Variants in OTUD7B observed in about 807,000 individuals in gnomAD.
The protein encoded by OTUD7B is OTU deubiquitinase 7B.
A neutral mutation model predicts 82.2 loss-of-function variants in OTUD7B; 34 were observed. The observed-to-expected ratio is 0.41, with a 90% CI of 0.31 to 0.55. The LOEUF (loss-of-function observed/expected upper bound fraction) is 0.55, where lower values mean the gene tolerates loss of function less well. OTUD7B is among the 20% of genes least tolerant of loss of function. The probability of loss-of-function intolerance (pLI) is 0.20; values close to 1 mark genes in which losing one functional copy is unlikely to be tolerated. For missense variants in OTUD7B, 944 were observed against 1,062.1 expected, an observed-to-expected ratio of 0.89 and a Z score of 1.55; for synonymous variants, 398 against 402.7, an observed-to-expected ratio of 0.99 and a Z score of 0.14.
chr1:150,025,213 C>T, the OTUD7B span, among the ~76,000 whole-genome samples: 1 of 151,918 alleles, frequency 6.6e-6, no homozygotes, highest in South Asian at 2.1e-4. Flanking sequence ...CCTGAGGTCA[C>T]GCGTTCGAGA....
At chr1:149,949,533 G>T in intron 9 of OTUD7B, 96 bp downstream of exon 9, 1 of 1,271,246 alleles carries the variant, frequency 7.9e-7, no homozygotes, top group Non-Finnish European at 1.1e-6. Flanking sequence ...GTGCTGTCTG[G>T]GCTTGCATGT....
intron 8 of OTUD7B, 46 bp from the exon 9 acceptor site, chr1:149,949,824 A>G (rs587654987): frequency 6.3e-7 from 1 of 1,580,306 alleles, no homozygotes; most frequent in South Asian, 1.1e-5. Context: ...GTTTCTGCCT[A>G]GTGGACAATC....
chr1:150,031,207 G>A, the OTUD7B span, among the ~76,000 whole-genome samples: 3 of 152,148 alleles, frequency 2.0e-5, no homozygotes, highest in Non-Finnish European at 4.4e-5. Flanking sequence ...GAAAGAGCAC[G>A]ATGCCACCAT....
chr1:150,043,804 A>G, the OTUD7B span, among the ~76,000 whole-genome samples: 3 of 152,304 alleles, frequency 2.0e-5, no homozygotes, highest in East Asian at 5.8e-4. Context: ...GTGATTTCAC[A>G]CAATGTATAT....
At chr1:149,963,339 G>A (rs926856875) in intron 6 of OTUD7B, 1 of 152,092 alleles carries the variant, frequency 6.6e-6, no homozygotes, top group African/African-American at 2.4e-5. Context: ...AAGGAAATAG[G>A]GAGCCTCATT....
intron 1 of OTUD7B, among the ~76,000 whole-genome samples, chr1:150,003,291 G>A (rs986885088): frequency 6.0e-5 from 9 of 150,808 alleles, no homozygotes; most frequent in Non-Finnish European, 1.0e-4. Context: ...ATGATCCAGC[G>A]TTGCCTACCT....
At chr1:150,015,308 T>TTTTTTTTTA (rs1559875641), upstream of OTUD7B, among the ~76,000 whole-genome samples, 1 of 142,542 alleles carries the variant, frequency 7.0e-6, no homozygotes, top group African/African-American at 2.6e-5. Context: ...TTTTGTTTTT[T>TTTTTTTTTA]TTTGAGATGG....
chr1:150,033,332 T>C, the OTUD7B span, among the ~76,000 whole-genome samples: 1 of 152,176 alleles, frequency 6.6e-6, no homozygotes, highest in East Asian at 1.9e-4. Flanking sequence ...ATATACATCT[T>C]TTAAATATGG....
rs1553772242 is a variant in OTUD7B at position 149,946,741 on chromosome 1, G to GGA, written c.1323+509_1323+510insTC. ...TGGCTGACAGAGCAAGACTTCCTCT[G>GGA]AAAAAAAAAAAAAAAAAAAGGACAG... On this transcript the variant is annotated intron_variant, in intron 11 of 11. Transcript: ENST00000581312. Among the ~76,000 whole-genome samples, 12 of 79,540 alleles carry GGA rather than the reference G, an allele frequency of 1.5e-4. No homozygotes were observed. In the South Asian group the frequency reaches 2.0e-3, roughly 13 times the overall value. The allele number at this position is 79,540 out of a possible 152,430, so 52.2% of individuals were successfully genotyped here.
In OTUD7B at chr1:149,938,021, G is replaced by A. The variant is rs2092737167; in HGVS notation, c.*5836C>T. 6.6e-6 allele frequency: 1 copy of A among 152,128 alleles called. No individual in the cohort carries two copies. The highest frequency in any genetic ancestry group is 2.4e-5 in the African/African-American group (1 of 41,360). 9.4% of individuals were successfully genotyped at this position (152,128 alleles called of 1,614,324 possible). A position where few individuals can be genotyped will look rare whatever the true frequency, so the allele number is the denominator to read the frequency against. On this transcript the variant is annotated 3_prime_UTR_variant, in exon 12 of 12. Transcript: ENST00000581312. ...ACAGAAAGTCAGTCTGGAACAAAGA[G>A]GTATACACCTGCTAAGAAGGTGGCC...
At chr1:150,018,786 C>T in the OTUD7B span, among the ~76,000 whole-genome samples, 1 of 152,182 alleles carries the variant, frequency 6.6e-6, no homozygotes, top group Non-Finnish European at 1.5e-5. Context: ...CTGAAAGGAG[C>T]TGAAAGGGCT....
At chr1:149,951,792 A>G (rs1228253189) in intron 7 of OTUD7B, among the ~76,000 whole-genome samples, 1 of 152,200 alleles carries the variant, frequency 6.6e-6, no homozygotes, top group Non-Finnish European at 1.5e-5. Context: ...CCATTATGGA[A>G]AATTTCAAAA....
chr1:149,999,000 T>C (rs1333180169), intron 1 of OTUD7B, among the ~76,000 whole-genome samples: 9 of 152,222 alleles, frequency 5.9e-5, no homozygotes, highest in Non-Finnish European at 1.0e-4. Flanking sequence ...ACCCAGAATA[T>C]AAATTCCCAA....
At chr1:150,015,290 C>CTTTTTTTTTTTTTTTTTTTTTT (rs60374988), upstream of OTUD7B, among the ~76,000 whole-genome samples, 6 of 128,974 alleles carry the variant, frequency 4.7e-5, 1 homozygote, top group African/African-American at 6.1e-5. Flanking sequence ...TTTTCTTTCT[C>CTTTTTTTTTTTTTTTTTTTTTT]TTTTTTTTTT....
the OTUD7B span, among the ~76,000 whole-genome samples, chr1:150,021,448 TTGTC>T: frequency 6.6e-6 from 1 of 152,188 alleles, no homozygotes; most frequent in Non-Finnish European, 1.5e-5. Context: ...AAACGAGATC[TTGTC>T]ATCTTACCAA....
intron 1 of OTUD7B, among the ~76,000 whole-genome samples, chr1:150,003,577 T>A (rs1453779300): frequency 6.6e-6 from 1 of 152,190 alleles, no homozygotes; most frequent in Non-Finnish European, 1.5e-5. Flanking sequence ...TCACAGCATC[T>A]ATCACACTTC....
chr1:150,040,714 T>TG, the OTUD7B span, among the ~76,000 whole-genome samples: 2 of 90,422 alleles, frequency 2.2e-5, no homozygotes, highest in Admixed American at 2.2e-4. Flanking sequence ...TTTTCTTTCC[T>TG]TTTTTTTTTT....
chr1:150,021,200 T>G, the OTUD7B span, among the ~76,000 whole-genome samples: 1 of 152,200 alleles, frequency 6.6e-6, no homozygotes, highest in Non-Finnish European at 1.5e-5. Flanking sequence ...GGTCATATAC[T>G]TCTAGTAGGA....
chr1:149,961,060 G>GTGC (rs1649125039), intron 6 of OTUD7B: 1 of 149,574 alleles, frequency 6.7e-6, no homozygotes, highest in Admixed American at 6.8e-5. Flanking sequence ...CCAAGTAGAA[G>GTGC]TGCTGCATAC....
Sources: gnomAD v4.1 joint callset for allele counts (sites outside exome capture counted in the v4.1 genomes callset) on GRCh38, gnomAD v4.1.1 for gene constraint, MANE v1.5 for transcripts, NCBI Gene and HGNC (gene_info 2026-07-23, HGNC 2026-07-21) for gene names.